The following PLCH1 variants were observed in gnomAD, a reference collection of about 807,000 sequenced individuals.
PLCH1 encodes phospholipase C eta 1.
PLCH1 carries 60 observed loss-of-function variants against 126.7 expected under a neutral mutation model. The ratio of observed to expected loss-of-function variants is 0.47; its 90% CI spans 0.38 to 0.59. The LOEUF (loss-of-function observed/expected upper bound fraction) is 0.59, where lower values mean the gene tolerates loss of function less well. PLCH1 is among the 20% of genes least tolerant of loss of function. PLCH1 has a pLI of 0.00. For missense variants in PLCH1, 1,723 were observed against 2,040.0 expected, an observed-to-expected ratio of 0.84 and a Z score of 2.99; for synonymous variants, 719 against 734.9, an observed-to-expected ratio of 0.98 and a Z score of 0.35.
At chr3:155,664,471 G>A (rs1353047220) in intron 2 of PLCH1, among the ~76,000 whole-genome samples, 1 of 152,204 alleles carries the variant, frequency 6.6e-6, no homozygotes, top group East Asian at 1.9e-4. Flanking sequence ...GATAGTAAAT[G>A]TTTTAGGCTG....
intron 7 of PLCH1, among the ~76,000 whole-genome samples, chr3:155,567,933 C>CA (rs1728726246): frequency 6.6e-6 from 1 of 152,074 alleles, no homozygotes; most frequent in African/African-American, 2.4e-5. Context: ...GGCTAATTTC[C>CA]AAAAATTAGC....
At chr3:155,725,358 T>A (rs1019608763) in intron 1 of PLCH1, among the ~76,000 whole-genome samples, 11 of 152,176 alleles carry the variant, frequency 7.2e-5, no homozygotes, top group African/African-American at 9.7e-5. Flanking sequence ...TTTTGTCTTA[T>A]GTCAAAATTG....
chr3:155,555,838 C>A (rs1489022657), intron 8 of PLCH1, among the ~76,000 whole-genome samples: 2 of 152,260 alleles, frequency 1.3e-5, no homozygotes, highest in East Asian at 3.9e-4. Context: ...TTCCTTATGG[C>A]AAGAGGTCAT....
chr3:155,473,365 C>A (rs1157522833), intron 21 of PLCH1, among the ~76,000 whole-genome samples: 1 of 152,172 alleles, frequency 6.6e-6, no homozygotes, highest in East Asian at 1.9e-4. Flanking sequence ...ATCCAACTTA[C>A]AAGGGACGTG....
chr3:155,537,951 A>G (rs1182228858), intron 10 of PLCH1, among the ~76,000 whole-genome samples: 1 of 152,096 alleles, frequency 6.6e-6, no homozygotes, highest in Non-Finnish European at 1.5e-5. Flanking sequence ...TATATATTCT[A>G]TTAATTAGGA....
chr3:155,617,253 C>T (rs1257365924), intron 2 of PLCH1, among the ~76,000 whole-genome samples: 15 of 152,068 alleles, frequency 9.9e-5, no homozygotes, highest in African/African-American at 2.4e-4. Flanking sequence ...TTATAATTAG[C>T]TATAGGACTC....
intron 22 of PLCH1, among the ~76,000 whole-genome samples, chr3:155,484,069 A>G (rs1714614209): frequency 6.6e-6 from 1 of 152,190 alleles, no homozygotes; most frequent in Admixed American, 6.5e-5. Flanking sequence ...GAACAGAATA[A>G]TATATAGAAT....
intron 1 of PLCH1, among the ~76,000 whole-genome samples, chr3:155,730,105 G>A (rs1053958303): frequency 2.6e-5 from 4 of 151,944 alleles, no homozygotes; most frequent in African/African-American, 9.7e-5. Flanking sequence ...AGCAGAGATG[G>A]GTTCTTAATC....
intron 2 of PLCH1, among the ~76,000 whole-genome samples, chr3:155,645,272 C>G (rs1197914464): frequency 6.6e-6 from 1 of 152,164 alleles, no homozygotes; most frequent in East Asian, 1.9e-4. Flanking sequence ...TTCACAGGCA[C>G]AATCACGGCA....
At chr3:155,594,231 C>G (rs1560217797) in intron 3 of PLCH1, 47 bp from the exon 4 acceptor site, 5 of 1,554,406 alleles carry the variant, frequency 3.2e-6, no homozygotes, top group Non-Finnish European at 2.6e-6. Flanking sequence ...GGCAAAGATA[C>G]TTCTTTACAT....
intron 1 of PLCH1, among the ~76,000 whole-genome samples, chr3:155,713,925 C>T (rs144788789): frequency 6.6e-6 from 1 of 152,110 alleles, no homozygotes; most frequent in South Asian, 2.1e-4. Flanking sequence ...CCCTGAAAAA[C>T]CACAAAATGA....
In PLCH1 at chr3:155,565,015, A is replaced by G; in HGVS notation, c.969T>C (p.Ala323=). 6.2e-7 allele frequency: 1 copy of G among 1,613,120 alleles called. No homozygotes were observed. The highest frequency in any genetic ancestry group is 8.5e-7 in the Non-Finnish European group (1 of 1,179,068). ...CAGTCAGGTATGTATTGTGAGAGGA[A>G]GCAATGTAGTAGTTGCAGAGGGGCT... is the stretch of plus-strand genomic sequence containing the variant. ...MDQPLCNYYI[A]SSHNTYLTGD... The change falls in exon 8 of 23, where the codon GCT becomes GCC. Residue 323 remains alanine (A), a synonymous_variant. Coordinates refer to ENST00000460012, the MANE Select transcript of PLCH1 (RefSeq NM_014996.4).
At chr3:155,567,537 A>G (rs1340189854) in intron 7 of PLCH1, among the ~76,000 whole-genome samples, 3 of 152,206 alleles carry the variant, frequency 2.0e-5, no homozygotes, top group African/African-American at 7.2e-5. Context: ...GCATGCTCTT[A>G]TAGGCAGCTG....
At chr3:155,743,709 C>G in intron 1 of PLCH1, 1 of 357,392 alleles carries the variant, frequency 2.8e-6, no homozygotes, top group South Asian at 2.1e-5. Context: ...TGGCATTATA[C>G]TCTGGTCCCT....
At chr3:155,709,141 C>T (rs988030545) in intron 1 of PLCH1, among the ~76,000 whole-genome samples, 2 of 152,136 alleles carry the variant, frequency 1.3e-5, no homozygotes, top group Admixed American at 1.3e-4. Context: ...AATAATATTC[C>T]ATTGTCTGGA....
At chr3:155,625,968 G>A (rs1737189810) in intron 2 of PLCH1, among the ~76,000 whole-genome samples, 1 of 152,162 alleles carries the variant, frequency 6.6e-6, no homozygotes, top group Non-Finnish European at 1.5e-5. Flanking sequence ...CAAAGACTTG[G>A]AACCAACCCA....
chr3:155,458,505 AAG>A lies in PLCH1; in HGVS notation c.2938+26849_2938+26850del, dbSNP rs1213826129. On this transcript the variant is annotated intron_variant, in intron 21 of 21. Transcript: ENST00000494598. ...AAGAAAGAAAGAAAGAAAGAGAAAG[AAG>A]AGAGAGAAATAAGAAAGAGAAAGAA... is the stretch of plus-strand genomic sequence containing the variant. Among the ~76,000 whole-genome samples, 17 of 117,814 alleles carry A rather than the reference AAG, an allele frequency of 1.4e-4. 2 individuals carry two copies. The East Asian group carries it at 3.5e-3, about 24-fold the overall frequency. 77.3% of individuals were successfully genotyped at this position (117,814 alleles called of 152,430 possible).
intron 1 of PLCH1, among the ~76,000 whole-genome samples, chr3:155,724,511 T>A (rs931966353): frequency 1.3e-5 from 2 of 152,236 alleles, no homozygotes; most frequent in Non-Finnish European, 2.9e-5. Flanking sequence ...TTTGTCTTTT[T>A]TAACTGCTGT....
In PLCH1 at chr3:155,601,860, C is replaced by T. The variant is rs138441010; in HGVS notation, c.80-5482G>A. Reference sequence around the variant, plus strand: ...CATTTGCAGTCACTCCCCATTTTCACCACAGTCCTGGACAACCACTGACCT... The same window carrying T: ...CATTTGCAGTCACTCCCCATTTTCATCACAGTCCTGGACAACCACTGACCT... On this transcript the variant is annotated intron_variant, in intron 2 of 22. Transcript: ENST00000460012. 6.1e-3 allele frequency among the ~76,000 whole-genome samples: 922 copies of T among 152,278 alleles called. 11 individuals are homozygous for T. Among genetic ancestry groups the T allele is most frequent in the Non-Finnish European group, 0.01 (684 of 68,026 alleles).
Sources: gnomAD v4.1 joint callset for allele counts (sites outside exome capture counted in the v4.1 genomes callset) on GRCh38, gnomAD v4.1.1 for gene constraint, MANE v1.5 for transcripts, NCBI Gene and HGNC (gene_info 2026-07-23, HGNC 2026-07-21) for gene names.